Variants in SNX24 observed in about 807,000 individuals in gnomAD.
SNX24 encodes the protein sorting nexin-24.
SNX24 carries 22 observed loss-of-function variants against 28.7 expected under a neutral mutation model. The observed-to-expected ratio is 0.77, with a 90% CI of 0.55 to 1.10. The LOEUF (loss-of-function observed/expected upper bound fraction) is 1.10, where lower values mean the gene tolerates loss of function less well. Among genes scored for constraint, SNX24 ranks in the 50% least tolerant of loss-of-function variants. The probability of loss-of-function intolerance (pLI) is 0.00; values close to 1 mark genes in which losing one functional copy is unlikely to be tolerated. For synonymous variants in SNX24, 69 were observed against 71.5 expected (o/e 0.96, Z 0.18); for missense variants, 221 against 201.1 (o/e 1.10, Z -0.60).
intron 2 of SNX24, among the ~76,000 whole-genome samples, chr5:122,940,573 A>G (rs1040824155): frequency 2.6e-5 from 4 of 151,944 alleles, no homozygotes; most frequent in Admixed American, 2.6e-4. Flanking sequence ...CTTAAAATTT[A>G]TGTATTATTA....
At chr5:123,024,869 A>T (rs1360206348) in intron 5 of SNX24, among the ~76,000 whole-genome samples, 3 of 152,234 alleles carry the variant, frequency 2.0e-5, no homozygotes, top group Non-Finnish European at 4.4e-5. Flanking sequence ...GGATGGACAG[A>T]CTTTACAGTA....
chr5:122,985,601 T>A (rs10057935), intron 3 of SNX24, among the ~76,000 whole-genome samples: 1 of 152,058 alleles, frequency 6.6e-6, no homozygotes, highest in Non-Finnish European at 1.5e-5. Flanking sequence ...GATGTTATTA[T>A]TGTTTCCTCA....
rs375047736 is a variant in SNX24, at chr5:122,948,069, T to A, written c.249+1910T>A. 1.1e-4 allele frequency among the ~76,000 whole-genome samples: 16 copies of A among 152,326 alleles called. No homozygotes were observed. In the East Asian group the frequency reaches 1.2e-3, roughly 11 times the overall value. On this transcript the variant is annotated intron_variant, in intron 3 of 6. Transcript: ENST00000261369. ...GATGGCTTGCTTCCTGTTGTGCATTTAATAGTCAATTTGTTGTCACTTAAT... is the reference window on the plus strand; with the variant it reads ...GATGGCTTGCTTCCTGTTGTGCATTAAATAGTCAATTTGTTGTCACTTAAT...
chr5:123,006,377 C>T (rs1392984802), intron 6 of SNX24, among the ~76,000 whole-genome samples: 5 of 152,128 alleles, frequency 3.3e-5, no homozygotes, highest in African/African-American at 9.7e-5. Context: ...CACTTGGTCC[C>T]GTCCTTCATT....
chr5:122,877,755 C>T (rs1262584237), intron 1 of SNX24, among the ~76,000 whole-genome samples: 1 of 152,092 alleles, frequency 6.6e-6, no homozygotes, highest in Non-Finnish European at 1.5e-5. Context: ...GTTCTAGTTT[C>T]ACTTCCTTCT....
intron 1 of SNX24, among the ~76,000 whole-genome samples, chr5:122,886,946 A>T (rs1756745469): frequency 6.6e-6 from 1 of 152,068 alleles, no homozygotes; most frequent in Non-Finnish European, 1.5e-5. Flanking sequence ...GGATGTCTAG[A>T]ATTTTTGTTC....
intron 1 of SNX24, among the ~76,000 whole-genome samples, chr5:122,849,552 A>G (rs1038896218): frequency 1.3e-5 from 2 of 152,076 alleles, no homozygotes; most frequent in Admixed American, 6.6e-5. Context: ...GAAATACAGG[A>G]CAAAATCTTA....
intron 3 of SNX24, among the ~76,000 whole-genome samples, chr5:122,989,935 A>G (rs3776180): frequency 0.13 from 19,880 of 152,120 alleles, 1,596 homozygotes; most frequent in East Asian, 0.36. Flanking sequence ...AGACAGCCCT[A>G]ATTTCTCATC....
intron 1 of SNX24, among the ~76,000 whole-genome samples, chr5:122,850,518 A>G (rs1463945450): frequency 6.6e-6 from 1 of 152,202 alleles, no homozygotes; most frequent in East Asian, 1.9e-4. Context: ...AAAGGAGAGG[A>G]TGAAGGCTAG....
intron 3 of SNX24, among the ~76,000 whole-genome samples, chr5:122,959,999 A>G (rs552681460): frequency 6.6e-6 from 1 of 152,214 alleles, no homozygotes; most frequent in East Asian, 1.9e-4. Context: ...TTTTCCTCCG[A>G]AGTAGGCTGC....
chr5:122,968,724 C>T (rs1184393868), intron 3 of SNX24, among the ~76,000 whole-genome samples: 1 of 152,126 alleles, frequency 6.6e-6, no homozygotes, highest in African/African-American at 2.4e-5. Context: ...CCTAATAGAG[C>T]ATATCTATTC....
intron 1 of SNX24, among the ~76,000 whole-genome samples, chr5:122,883,725 C>T (rs570174345): frequency 6.6e-6 from 1 of 152,206 alleles, no homozygotes; most frequent in South Asian, 2.1e-4. Context: ...TTATAGCTCA[C>T]TGCAAGCTTG....
At chr5:122,990,195 TC>T (rs1761778778) in intron 3 of SNX24, among the ~76,000 whole-genome samples, 1 of 152,210 alleles carries the variant, frequency 6.6e-6, no homozygotes, top group South Asian at 2.1e-4. Flanking sequence ...TCTAACCATT[TC>T]CCACTATTTT....
chr5:122,920,732 G>A (rs974227855), intron 1 of SNX24, among the ~76,000 whole-genome samples: 1 of 152,178 alleles, frequency 6.6e-6, no homozygotes, highest in African/African-American at 2.4e-5. Flanking sequence ...GAGGGATCTG[G>A]AACTCAGGTT....
chr5:122,909,422 A>G (rs543450040), intron 1 of SNX24, among the ~76,000 whole-genome samples: 3 of 152,298 alleles, frequency 2.0e-5, no homozygotes, highest in Admixed American at 1.3e-4. Flanking sequence ...TTAAAACCTT[A>G]CCGTAGGTCA....
rs1762237515 is a variant in SNX24, at chr5:123,001,337, T to A, written c.345-68T>A. On this transcript the variant is annotated intron_variant, in intron 4 of 6. Transcript: ENST00000261369. ...TCTAATAATATTGGGTATTTTTTCC[T>A]TTGTTGGCATAAACATTGACTCAAC... is the stretch of plus-strand genomic sequence containing the variant. The A allele has an allele frequency of 1.5e-5, 16 of 1,058,466 alleles. No individual in the cohort carries two copies. In the South Asian group the frequency reaches 2.1e-4, roughly 14 times the overall value. The allele number at this position is 1,058,466 out of a possible 1,614,324, so 65.6% of individuals were successfully genotyped here.
chr5:122,865,277 A>C (rs887356172), intron 1 of SNX24, among the ~76,000 whole-genome samples: 1 of 152,214 alleles, frequency 6.6e-6, no homozygotes, highest in African/African-American at 2.4e-5. Context: ...TACTTAATTA[A>C]AGAAAGGCAA....
At chr5:122,990,059 C>T (rs1022133988) in intron 3 of SNX24, among the ~76,000 whole-genome samples, 2 of 152,200 alleles carry the variant, frequency 1.3e-5, no homozygotes, top group African/African-American at 4.8e-5. Context: ...CAAGCCCCTC[C>T]TCCTAACTTT....
intron 1 of SNX24, among the ~76,000 whole-genome samples, chr5:122,929,785 A>T (rs1758868618): frequency 6.6e-6 from 1 of 151,726 alleles, no homozygotes; most frequent in Admixed American, 6.6e-5. Context: ...TAATTTGAAC[A>T]CTTTTAAGAT....
Sources: allele counts gnomAD v4.1 joint callset (sites outside exome capture counted in the v4.1 genomes callset), GRCh38; gene constraint gnomAD v4.1.1; transcripts MANE v1.5; gene names NCBI Gene and HGNC (gene_info 2026-07-23, HGNC 2026-07-21).